KIAA0040: variants seen among roughly 807,000 people sequenced by gnomAD.
KIAA0040 encodes the protein KIAA0040.
A neutral mutation model predicts 7.2 loss-of-function variants in KIAA0040; 10 were observed. The ratio of observed to expected loss-of-function variants is 1.38; its 90% CI spans 0.85 to 2.34. KIAA0040 has a LOEUF of 2.34. Ranked by LOEUF, KIAA0040 falls within the 30% of genes most tolerant of loss-of-function variation. The pLI is 0.00. For missense variants in KIAA0040, 89 were observed against 108.2 expected (o/e 0.82, Z 0.79); for synonymous variants, 49 against 40.1 (o/e 1.22, Z -0.84).
chr1:175,185,973 T>C (rs1239838447), intron 1 of KIAA0040, among the ~76,000 whole-genome samples: 1 of 152,150 alleles, frequency 6.6e-6, no homozygotes, highest in Non-Finnish European at 1.5e-5. Context: ...ATATGAAATA[T>C]CTAGAATAAG....
chr1:175,186,448 C>T (rs952304461), intron 1 of KIAA0040, among the ~76,000 whole-genome samples: 2 of 152,154 alleles, frequency 1.3e-5, no homozygotes, highest in African/African-American at 4.8e-5. Flanking sequence ...TTTTATAAAC[C>T]ACCAAAATCT....
intron 1 of KIAA0040, among the ~76,000 whole-genome samples, chr1:175,183,339 C>A (rs541952438): frequency 6.6e-6 from 1 of 152,298 alleles, no homozygotes; most frequent in South Asian, 2.1e-4. Context: ...TGGTTATGAT[C>A]TGGGGAGATG....
intron 2 of KIAA0040, among the ~76,000 whole-genome samples, chr1:175,171,106 G>C (rs562656663): frequency 1.3e-5 from 2 of 152,276 alleles, no homozygotes; most frequent in Non-Finnish European, 2.9e-5. Context: ...CAACATTTGC[G>C]TCAGCTCAAA....
chr1:175,177,343 G>A (rs1023878325), intron 2 of KIAA0040, among the ~76,000 whole-genome samples: 5 of 152,226 alleles, frequency 3.3e-5, no homozygotes, highest in South Asian at 4.1e-4. Context: ...GCCCATGACA[G>A]TTAGAAGGCA....
rs558223017 is a variant in KIAA0040 at position 175,169,714 on chromosome 1, C to T, written c.-309-2977G>A. On this transcript the variant is annotated intron_variant, in intron 2 of 3. Transcript: ENST00000423313. ...CATTCATCATTCTCTTTCAAAGCGA[C>T]CATTTCAGAATGAAAATATGGATAA... Among the ~76,000 whole-genome samples, 25 of 152,258 alleles carry T rather than the reference C, an allele frequency of 1.6e-4. No homozygotes were observed. The South Asian group carries it at 2.7e-3, about 16-fold the overall frequency.
chr1:175,192,808 G>T (rs1179804395), upstream of KIAA0040: 3 of 124,196 alleles, frequency 2.4e-5, no homozygotes, highest in East Asian at 2.3e-4. Context: ...GGCCAAGGTC[G>T]TGGGAGCCGC....
upstream of KIAA0040, chr1:175,192,817 G>GCCCCC: frequency 8.1e-6 from 1 of 123,536 alleles, no homozygotes; most frequent in African/African-American, 3.0e-5. Context: ...CGTGGGAGCC[G>GCCCCC]CCCGCCCCGC....
chr1:175,176,973 G>A (rs1410504726), intron 2 of KIAA0040, among the ~76,000 whole-genome samples: 2 of 152,044 alleles, frequency 1.3e-5, no homozygotes, highest in South Asian at 2.1e-4. Flanking sequence ...CACCCCCCTC[G>A]ACACAGGGTT....
chr1:175,186,533 C>T (rs1380907459), intron 1 of KIAA0040, among the ~76,000 whole-genome samples: 1 of 152,218 alleles, frequency 6.6e-6, no homozygotes, highest in Non-Finnish European at 1.5e-5. Flanking sequence ...TGTGTCTCCT[C>T]CCTTGTTCCA....
intron 3 of KIAA0040, among the ~76,000 whole-genome samples, chr1:175,161,592 A>G (rs1178224031): frequency 6.6e-6 from 1 of 152,148 alleles, no homozygotes; most frequent in East Asian, 1.9e-4. Context: ...ATAACTTGCC[A>G]TTTTCAAAGC....
At position 175,158,010 on chromosome 1, in the gene KIAA0040, G is replaced by C. The variant is rs964537518; in HGVS notation, c.*2704C>G. 1 of 152,564 alleles carries C rather than the reference G, an allele frequency of 6.6e-6. No homozygotes were observed. Among genetic ancestry groups the C allele is most frequent in the Non-Finnish European group, 1.5e-5 (1 of 68,332 alleles). 9.5% of individuals were successfully genotyped at this position (152,564 alleles called of 1,614,324 possible). ...AAAGGGCTGGGGCTGGTCTGGTGCA[G>C]GCAGAAGAGGGAATCAGAGAAGCAT... On this transcript the variant is annotated 3_prime_UTR_variant, in exon 4 of 4. Transcript: ENST00000423313.
intron 3 of KIAA0040, among the ~76,000 whole-genome samples, chr1:175,165,873 G>A (rs185222597): frequency 5.9e-5 from 9 of 151,588 alleles, no homozygotes; most frequent in Non-Finnish European, 1.0e-4. Flanking sequence ...GGAGCAGGGC[G>A]TTCTATTCTG....
Position 175,177,639 on chromosome 1 carries a change from A to C in KIAA0040, c.-338T>G, listed in dbSNP as rs1220828308. 1.3e-5 allele frequency: 2 copies of C among 152,252 alleles called. No individual in the cohort carries two copies. Among genetic ancestry groups the C allele is most frequent in the Non-Finnish European group, 2.9e-5 (2 of 68,046 alleles). 9.4% of individuals were successfully genotyped at this position (152,252 alleles called of 1,614,324 possible). A position where few individuals can be genotyped will look rare whatever the true frequency, so the allele number is the denominator to read the frequency against. On this transcript the variant is annotated 5_prime_UTR_variant, in exon 2 of 4. Coordinates refer to ENST00000423313, the MANE Select transcript of KIAA0040 (RefSeq NM_014656.3). ...GTGTGTGTCCTTGGGAAGGTCACTC[A>C]GCTGCTTTGAGTCTCAGTTTCTTCA...
In KIAA0040 at chr1:175,166,556, G is replaced by A. The variant is rs1676771366; in HGVS notation, c.-134+6C>T. 1.3e-5 allele frequency: 2 copies of A among 152,306 alleles called. No individual in the cohort carries two copies. The highest frequency in any genetic ancestry group is 4.1e-4 in the South Asian group (2 of 4,820). 9.4% of individuals were successfully genotyped at this position (152,306 alleles called of 1,614,324 possible). On this transcript the variant is annotated splice_donor_region_variant and intron_variant, in intron 3 of 3. Transcript: ENST00000423313. Reference sequence around the variant, plus strand: ...CATGGGTGAGGAGACGGGGGATGAAGTTTACCTCCACACACAGCAGCAAAA... The same window carrying A: ...CATGGGTGAGGAGACGGGGGATGAAATTTACCTCCACACACAGCAGCAAAA...
Position 175,180,738 on chromosome 1 carries a change from G to A in KIAA0040, c.-383-3054C>T, listed in dbSNP as rs568687717. Among the ~76,000 whole-genome samples, 46 of 152,324 alleles carry A rather than the reference G, an allele frequency of 3.0e-4. 1 individual carries two copies. The highest frequency in any genetic ancestry group is 1.1e-3 in the African/African-American group (44 of 41,588). On this transcript the variant is annotated intron_variant, in intron 1 of 3. Transcript: ENST00000423313. ...AACACCAGTCTCAAATGGACATCAAGCTTTGTTTTCATGGGGTGCCATGTT... is the reference window on the plus strand; with the variant it reads ...AACACCAGTCTCAAATGGACATCAAACTTTGTTTTCATGGGGTGCCATGTT...
chr1:175,160,783 T>C lies in KIAA0040; in HGVS notation c.231A>G (p.Glu77=), dbSNP rs371808938. 22 of 1,530,586 alleles carry C rather than the reference T, an allele frequency of 1.4e-5. No homozygotes were observed. The highest frequency in any genetic ancestry group is 1.9e-5 in the Non-Finnish European group (22 of 1,138,082). The allele number at this position is 1,530,586 out of a possible 1,614,324, so 94.8% of individuals were successfully genotyped here. A position where few individuals can be genotyped will look rare whatever the true frequency, so the allele number is the denominator to read the frequency against. ...KKKKKKKKKD[E]EDLWISAQPK... ...GTTGAGCAGAGATCCAGAGGTCTTC[T>C]TCATCCTTCTTCTTCTTCTTCTTCT... Residue 77 remains glutamate (E), a synonymous_variant, in exon 4 of 4, where the codon GAA becomes GAG. Transcript: ENST00000423313.
chr1:175,171,172 T>A (rs547492781), intron 2 of KIAA0040, among the ~76,000 whole-genome samples: 1 of 152,228 alleles, frequency 6.6e-6, no homozygotes, highest in Admixed American at 6.5e-5. Flanking sequence ...CTTTTTCTAA[T>A]GGAGTATGGT....
At chr1:175,188,100 T>C (rs990027884) in intron 1 of KIAA0040, among the ~76,000 whole-genome samples, 36 of 152,228 alleles carry the variant, frequency 2.4e-4, no homozygotes, top group African/African-American at 8.7e-4. Flanking sequence ...GGTTAGGTTT[T>C]GTTTTATTTC....
At chr1:175,165,068 G>C (rs1466836813) in intron 3 of KIAA0040, among the ~76,000 whole-genome samples, 2 of 152,154 alleles carry the variant, frequency 1.3e-5, no homozygotes, top group African/African-American at 4.8e-5. Context: ...GAGAAGAGGG[G>C]AAAACTTTCT....
Sources: allele counts gnomAD v4.1 joint callset (sites outside exome capture counted in the v4.1 genomes callset), GRCh38; gene constraint gnomAD v4.1.1; transcripts MANE v1.5; gene names NCBI Gene and HGNC (gene_info 2026-07-23, HGNC 2026-07-21).